Variants in ARHGEF19 observed in about 807,000 individuals in gnomAD.
The protein encoded by ARHGEF19 is Rho guanine nucleotide exchange factor 19.
Under a neutral mutation model 87.6 loss-of-function variants are expected in ARHGEF19, and 92 were observed. The observed-to-expected ratio is 1.05, with a 90% CI of 0.89 to 1.25. ARHGEF19 has a LOEUF of 1.25. Ranked by LOEUF, ARHGEF19 falls within the 50% of genes most tolerant of loss-of-function variation. ARHGEF19 has a pLI of 0.00. For synonymous variants in ARHGEF19, 438 were observed against 446.2 expected, an observed-to-expected ratio of 0.98 and a Z score of 0.23; for missense variants, 1,054 against 1,051.8, an observed-to-expected ratio of 1.00 and a Z score of -0.03.
chr1:16,201,002 C>A (rs1385357959), intron 14 of ARHGEF19, among the ~76,000 whole-genome samples: 3 of 152,126 alleles, frequency 2.0e-5, no homozygotes, highest in Non-Finnish European at 4.4e-5. Flanking sequence ...TTGCTTGAGT[C>A]CAGGAGTTTG....
intron 1 of ARHGEF19, among the ~76,000 whole-genome samples, chr1:16,209,790 G>A (rs568245763): frequency 1.3e-4 from 20 of 152,158 alleles, no homozygotes; most frequent in East Asian, 1.9e-4. Flanking sequence ...CCATCTCCCC[G>A]ACCCTTGCCC....
Position 16,205,289 on chromosome 1 carries a change from G to C in ARHGEF19, c.1656+62C>G. The C allele has an allele frequency of 1.2e-6, 2 of 1,610,568 alleles. No homozygotes were observed. The highest frequency in any genetic ancestry group is 1.7e-4 in the Middle Eastern group (1 of 6,000). ...TCTGACAGCTGGGGGCTGTTTTAGA[G>C]ACGTGCTGGGGGTCCAGGGGGGGCC... On this transcript the variant is annotated intron_variant, in intron 10 of 15. Transcript: ENST00000270747. This position sits in a 1 kb window ranked among gnomAD's most constrained non-coding sequence, Gnocchi z 5.8.
chr1:16,206,325 T>C lies in ARHGEF19; in HGVS notation c.1153A>G (p.Ile385Val), dbSNP rs1322845965. 1 of 1,579,314 alleles carries C rather than the reference T, an allele frequency of 6.3e-7. No individual in the cohort carries two copies. The highest frequency in any genetic ancestry group is 8.6e-7 in the Non-Finnish European group (1 of 1,163,152). ...TGGATGTAGGAGGCCTCGGAGGTGA[T>C]CAGCTCAAACTTGGCCTGAGGGAGG... is the stretch of plus-strand genomic sequence containing the variant. ...CKLQEAKFEL[I>V]TSEASYIHSL... The change falls in exon 7 of 16, where the codon ATC becomes GTC. Residue 385 changes from isoleucine (I) to valine (V), a missense_variant. By Grantham distance (29) the Ile-to-Val change is conservative. Coordinates refer to ENST00000270747, the MANE Select transcript of ARHGEF19 (RefSeq NM_153213.5). The surrounding 1 kb of genome is among the most constrained non-coding windows in gnomAD (Gnocchi z 4.6).
chr1:16,208,494 C>G (rs2081166671), intron 2 of ARHGEF19, 149 bp downstream of exon 2: 1 of 1,150,312 alleles, frequency 8.7e-7, no homozygotes, highest in African/African-American at 1.6e-5. Context: ...CACTTGCCTT[C>G]CCTGAGCCCC....
intron 12 of ARHGEF19, among the ~76,000 whole-genome samples, chr1:16,203,129 G>A (rs2081097877): frequency 6.6e-6 from 1 of 152,176 alleles, no homozygotes; most frequent in Non-Finnish European, 1.5e-5. Flanking sequence ...CTCAGTGTCT[G>A]ATGATACTGC....
In ARHGEF19 at chr1:16,206,019, C is replaced by T. The variant is rs1267594140; in HGVS notation, c.1363G>A (p.Val455Met). Residue 455 changes from valine (V) to methionine (M), a missense_variant, in exon 8 of 16, where the codon GTG becomes ATG. Val to Met is a conservative substitution (Grantham distance 21). Transcript: ENST00000270747. The surrounding 1 kb of genome is among the most constrained non-coding windows in gnomAD (Gnocchi z 4.6). ...DVLRFSVCDV[V>M]LDHCPAFRRV... ...CGGAAGGCCGGGCAGTGGTCCAGCACCACGTCGCACACGCTGAAGCGCAGC... is the reference window on the plus strand; with the variant it reads ...CGGAAGGCCGGGCAGTGGTCCAGCATCACGTCGCACACGCTGAAGCGCAGC... 1 of 1,601,994 alleles carries T rather than the reference C, an allele frequency of 6.2e-7. No homozygotes were observed. Among genetic ancestry groups the T allele is most frequent in the Non-Finnish European group, 8.5e-7 (1 of 1,174,314 alleles).
chr1:16,203,782 C>T (rs2081101785), intron 12 of ARHGEF19, among the ~76,000 whole-genome samples: 1 of 152,166 alleles, frequency 6.6e-6, no homozygotes, highest in Non-Finnish European at 1.5e-5. Flanking sequence ...CTCAAATGTC[C>T]TGTCCTCTAT....
At position 16,205,557 on chromosome 1, in the gene ARHGEF19, C is replaced by T. The variant is rs1266905422; in HGVS notation, c.1562G>A (p.Arg521His). The T allele has an allele frequency of 1.9e-6, 3 of 1,613,942 alleles. No homozygotes were observed. Among genetic ancestry groups the T allele is most frequent in the Non-Finnish European group, 1.7e-6 (2 of 1,179,934 alleles). Residue 521 changes from arginine (R) to histidine (H), a missense_variant, in exon 9 of 16, where the codon CGC (arginine) becomes CAC (histidine). Coordinates refer to ENST00000270747, the MANE Select transcript of ARHGEF19 (RefSeq NM_153213.5). The surrounding 1 kb of genome is among the most constrained non-coding windows in gnomAD (Gnocchi z 5.8). ...AGGTACCTCCACCAACATCTTGAGG[C>T]GGGTGATCCTCTGGAAGGGCAGGAT... The part of the protein sequence containing the change: ...FLILPFQRIT[R>H]LKMLVENILK...
chr1:16,209,205 C>T (rs979708096), intron 1 of ARHGEF19, 122 bp from the exon 2 acceptor site: 2 of 588,630 alleles, frequency 3.4e-6, no homozygotes, highest in African/African-American at 3.9e-5. Context: ...CACAAACACA[C>T]TCACATGTCT....
Position 16,198,511 on chromosome 1 carries a change from A to G in ARHGEF19, c.*76T>C. The G allele has an allele frequency of 1.4e-6, 2 of 1,453,756 alleles. No individual in the cohort carries two copies. Among genetic ancestry groups the G allele is most frequent in the South Asian group, 3.1e-5 (2 of 64,344 alleles). 90.1% of individuals were successfully genotyped at this position (1,453,756 alleles called of 1,614,324 possible). On this transcript the variant is annotated 3_prime_UTR_variant, in exon 16 of 16. Coordinates refer to ENST00000270747, the MANE Select transcript of ARHGEF19 (RefSeq NM_153213.5). This position sits in a 1 kb window ranked among gnomAD's most constrained non-coding sequence, Gnocchi z 4.1. The stretch of plus-strand genomic sequence containing the variant: ...AGTGCCAGCAGGAGCAGCTTGGGGA[A>G]TGGAGACACTGCAGGCCCCTCCAGG...
At position 16,207,881 on chromosome 1, in the gene ARHGEF19, T is replaced by TCGCCCA; in HGVS notation, c.694+57_694+62dup. 1.3e-6 allele frequency: 2 copies of TCGCCCA among 1,539,274 alleles called. No individual in the cohort carries two copies. Among genetic ancestry groups the TCGCCCA allele is most frequent in the Non-Finnish European group, 1.8e-6 (2 of 1,124,992 alleles). On this transcript the variant is annotated intron_variant, in intron 3 of 15. Transcript: ENST00000270747. The surrounding 1 kb of genome is among the most constrained non-coding windows in gnomAD (Gnocchi z 4.0). ...GCCTCAGGCGGCCGGTGAGTGGGCA[T>TCGCCCA]CGCCCACCCCCACCCCCACCCGGCA...
rs867095629 is a variant in ARHGEF19, at chr1:16,204,912, G to A, written c.1754C>T (p.Pro585Leu). 8 of 1,600,022 alleles carry A rather than the reference G, an allele frequency of 5.0e-6. No individual in the cohort carries two copies. Among genetic ancestry groups the A allele is most frequent in the South Asian group, 1.1e-5 (1 of 88,650 alleles). The change falls in exon 12 of 16, where the codon CCG becomes CTG. Residue 585 changes from proline (P) to leucine (L), a missense_variant. Physicochemically the swap from Pro to Leu is moderately conservative, Grantham distance 98 (BLOSUM62 -3). Transcript: ENST00000270747. ...KKIHFEGKIF[P>L]LISQARWLVR... Reference sequence around the variant, plus strand: ...CAGCCAGCGGGCCTGAGAGATCAGCGGGAAAATCTAGAGGGATGGAGAAGG... The same window carrying A: ...CAGCCAGCGGGCCTGAGAGATCAGCAGGAAAATCTAGAGGGATGGAGAAGG...
At chr1:16,204,643 C>T (rs1557539455) in intron 12 of ARHGEF19, 116 bp downstream of exon 12, 2 of 1,294,884 alleles carry the variant, frequency 1.5e-6, no homozygotes, top group African/African-American at 1.5e-5. Flanking sequence ...TGGCAGCATA[C>T]CCTGGCACAG....
chr1:16,207,260 C>T lies in ARHGEF19; in HGVS notation c.875-50G>A. 6.8e-7 allele frequency: 1 copy of T among 1,464,644 alleles called. No homozygotes were observed. Among genetic ancestry groups the T allele is most frequent in the Non-Finnish European group, 9.0e-7 (1 of 1,113,898 alleles). 90.7% of individuals were successfully genotyped at this position (1,464,644 alleles called of 1,614,324 possible). A position where few individuals can be genotyped will look rare whatever the true frequency, so the allele number is the denominator to read the frequency against. On this transcript the variant is annotated intron_variant, in intron 5 of 15. Coordinates refer to ENST00000270747, the MANE Select transcript of ARHGEF19 (RefSeq NM_153213.5). This position sits in a 1 kb window ranked among gnomAD's most constrained non-coding sequence, Gnocchi z 4.0. ...AGCGTGGGGCGCCCGCCAGCCCCTG[C>T]CCGGCTTTTCCTCGGTTCCCTCAAG...
chr1:16,209,048 A>G lies in ARHGEF19; in HGVS notation c.7T>C (p.Cys3Arg). 6.7e-7 allele frequency: 1 copy of G among 1,482,140 alleles called. No individual in the cohort carries two copies. The highest frequency in any genetic ancestry group is 1.5e-5 in the South Asian group (1 of 68,824). The allele number at this position is 1,482,140 out of a possible 1,614,324, so 91.8% of individuals were successfully genotyped here. Reference protein sequence around the residue: MDCGPPATLQPHL... With the variant: MDRGPPATLQPHL... ...GGCTGGAGGGTAGCAGGTGGCCCAC[A>G]GTCCATTCCTCTTTTGCTCTGCCAC... Residue 3 changes from cysteine to arginine, a missense_variant, in exon 2 of 16, where the codon TGT becomes CGT. Transcript: ENST00000270747.
In ARHGEF19 at chr1:16,207,952, GCTGCTCCGGTGC is replaced by G. The variant is rs2081161060; in HGVS notation, c.674_685del (p.Gly225_Ala228del). ...ATGGGAGGAGCTGGTACCTTCCCGG[GCTGCTCCGGTGC>G]CTGACCCAGAGATGAGTGCCCGGGC... On this transcript the variant is annotated inframe_deletion, in exon 3 of 16. Transcript: ENST00000270747. This position sits in a 1 kb window ranked among gnomAD's most constrained non-coding sequence, Gnocchi z 4.0. The G allele has an allele frequency of 1.2e-6, 2 of 1,609,274 alleles. No homozygotes were observed. Among genetic ancestry groups the G allele is most frequent in the African/African-American group, 2.7e-5 (2 of 74,824 alleles).
chr1:16,208,472 C>A (rs2081166475), intron 2 of ARHGEF19, among the ~76,000 whole-genome samples, 171 bp downstream of exon 2: 1 of 152,196 alleles, frequency 6.6e-6, no homozygotes, highest in Non-Finnish European at 1.5e-5. Flanking sequence ...CACTGCATAA[C>A]CTTGGACAAG....
At position 16,205,206 on chromosome 1, in the gene ARHGEF19, G is replaced by A; in HGVS notation, c.1657-30C>T. On this transcript the variant is annotated intron_variant, in intron 10 of 15. Coordinates refer to ENST00000270747, the MANE Select transcript of ARHGEF19 (RefSeq NM_153213.5). The surrounding 1 kb of genome is among the most constrained non-coding windows in gnomAD (Gnocchi z 5.8). ...GGGAGCCGTGGGGAGGTCACCTGCA[G>A]CCCCTCAGCTCCGGCTCCCAGAGCC... The A allele has an allele frequency of 6.3e-7, 1 of 1,591,882 alleles. No individual in the cohort carries two copies.
Position 16,205,808 on chromosome 1 carries a change from C to T in ARHGEF19, c.1451+123G>A. The T allele has an allele frequency of 6.7e-7, 1 of 1,491,334 alleles. No homozygotes were observed. Among genetic ancestry groups the T allele is most frequent in the Non-Finnish European group, 9.0e-7 (1 of 1,114,040 alleles). 92.4% of individuals were successfully genotyped at this position (1,491,334 alleles called of 1,614,324 possible). A position where few individuals can be genotyped will look rare whatever the true frequency, so the allele number is the denominator to read the frequency against. On this transcript the variant is annotated intron_variant, in intron 8 of 15. Coordinates refer to ENST00000270747, the MANE Select transcript of ARHGEF19 (RefSeq NM_153213.5). This position sits in a 1 kb window ranked among gnomAD's most constrained non-coding sequence, Gnocchi z 5.8. ...GGGTTGCATCTCACCTTATCCTGGT[C>T]ACAGAGACCTTTTCAGGGACCCCTC... is the stretch of plus-strand genomic sequence containing the variant.
Sources: allele counts gnomAD v4.1 joint callset (sites outside exome capture counted in the v4.1 genomes callset), GRCh38; gene constraint gnomAD v4.1.1; non-coding constraint Gnocchi (gnomAD v3.1); transcripts MANE v1.5; gene names NCBI Gene and HGNC (gene_info 2026-07-23, HGNC 2026-07-21).